The following ADCK1 variants were observed in gnomAD, a reference collection of about 807,000 sequenced individuals.
ADCK1 encodes aarF domain-containing protein kinase 1.
Under a neutral mutation model 52.3 loss-of-function variants are expected in ADCK1, and 41 were observed. The observed-to-expected ratio is 0.78, with a 90% confidence interval of 0.61 to 1.02. The LOEUF is 1.02. Ranked by LOEUF, ADCK1 falls within the 50% of genes least tolerant of loss-of-function variation. The pLI is 0.00. For missense variants in ADCK1, 658 were observed against 679.5 expected, an observed-to-expected ratio of 0.97 and a Z score of 0.35; for synonymous variants, 250 against 274.6, an observed-to-expected ratio of 0.91 and a Z score of 0.89.
At chr14:77,852,669 A>ATATATATTTATATATATATAT (rs1566667179) in intron 3 of ADCK1, among the ~76,000 whole-genome samples, 1 of 9,408 alleles carries the variant, frequency 1.1e-4, no homozygotes, top group East Asian at 5.7e-3. Flanking sequence ...AAATATATAT[A>ATATATATTTATATATATATAT]TATATATATA....
chr14:77,919,995 G>A (rs140476182), intron 7 of ADCK1, among the ~76,000 whole-genome samples: 4 of 152,234 alleles, frequency 2.6e-5, no homozygotes, highest in Non-Finnish European at 4.4e-5. Context: ...TCTTTTGTTC[G>A]ATGCATAGCT....
chr14:77,817,327 G>A (rs1266584262), intron 1 of ADCK1, among the ~76,000 whole-genome samples: 2 of 152,326 alleles, frequency 1.3e-5, no homozygotes, highest in Admixed American at 1.3e-4. Flanking sequence ...GAGGTGACAG[G>A]CACAGACTCA....
chr14:77,816,197 A>T (rs2081446168), intron 1 of ADCK1, among the ~76,000 whole-genome samples: 2 of 152,104 alleles, frequency 1.3e-5, no homozygotes, highest in African/African-American at 2.4e-5. Flanking sequence ...TTAGGAAATG[A>T]AGGTTCCAAA....
intron 3 of ADCK1, among the ~76,000 whole-genome samples, chr14:77,824,928 A>G (rs2081661798): frequency 6.6e-6 from 1 of 152,200 alleles, no homozygotes; most frequent in African/African-American, 2.4e-5. Flanking sequence ...GATTTGGCTG[A>G]TTACATCTTC....
At chr14:77,882,953 A>ACCCCCC (rs1402405062) in intron 4 of ADCK1, among the ~76,000 whole-genome samples, 1 of 63,764 alleles carries the variant, frequency 1.6e-5, no homozygotes, top group Non-Finnish European at 3.1e-5. Context: ...TTTTTCTTAC[A>ACCCCCC]CCACCCCCCC....
chr14:77,868,981 G>T (rs1200780398), intron 4 of ADCK1, among the ~76,000 whole-genome samples: 1 of 152,180 alleles, frequency 6.6e-6, no homozygotes, highest in Non-Finnish European at 1.5e-5. Context: ...TCAGAGGCGG[G>T]TTCCTGGTGG....
At chr14:77,872,953 G>A (rs540529212) in intron 4 of ADCK1, among the ~76,000 whole-genome samples, 1 of 152,306 alleles carries the variant, frequency 6.6e-6, no homozygotes, top group South Asian at 2.1e-4. Context: ...TGGGATTATA[G>A]GAGTGAGCCA....
intron 6 of ADCK1, among the ~76,000 whole-genome samples, chr14:77,907,493 G>A (rs1242594056): frequency 6.6e-6 from 1 of 152,220 alleles, no homozygotes; most frequent in Non-Finnish European, 1.5e-5. Flanking sequence ...GGTGTGAGGT[G>A]TTCCAACATT....
At chr14:77,888,011 C>G (rs74065820) in intron 5 of ADCK1, among the ~76,000 whole-genome samples, 9,466 of 152,232 alleles carry the variant, frequency 0.062, 353 homozygotes, top group Middle Eastern at 0.12. Context: ...CTTCTGCACC[C>G]TATGCTAGGT....
At chr14:77,823,687 C>G (rs998475957) in intron 3 of ADCK1, among the ~76,000 whole-genome samples, 1 of 151,818 alleles carries the variant, frequency 6.6e-6, no homozygotes, top group African/African-American at 2.4e-5. Context: ...ATTCTCCTGC[C>G]TCAGCCTCCT....
At position 77,816,040 on chromosome 14, in the gene ADCK1, C is replaced by G. The variant is rs569780792; in HGVS notation, c.-11-2928C>G. 5.9e-4 allele frequency among the ~76,000 whole-genome samples: 90 copies of G among 152,220 alleles called. 1 individual carries two copies. Among genetic ancestry groups the G allele is most frequent in the African/African-American group, 1.4e-3 (59 of 41,532 alleles). The stretch of plus-strand genomic sequence containing the variant: ...CAGGCTGGTCTGGAACTCCTAACCT[C>G]AAGAGATCCGCCTGCCTGGTCCTCC... On this transcript the variant is annotated intron_variant, in intron 1 of 10. Coordinates refer to ENST00000238561, the MANE Select transcript of ADCK1 (RefSeq NM_020421.4).
chr14:77,898,532 T>C (rs2083459309), intron 5 of ADCK1, among the ~76,000 whole-genome samples: 1 of 151,930 alleles, frequency 6.6e-6, no homozygotes, highest in Non-Finnish European at 1.5e-5. Context: ...AGCAAACTAA[T>C]GCAGGAACAA....
intron 4 of ADCK1, among the ~76,000 whole-genome samples, chr14:77,872,981 A>G (rs1020108398): frequency 6.6e-6 from 1 of 151,992 alleles, no homozygotes; most frequent in Non-Finnish European, 1.5e-5. Context: ...CGGCCTCCCC[A>G]CTGCTTTTAA....
intron 3 of ADCK1, among the ~76,000 whole-genome samples, chr14:77,842,874 C>A (rs536670816): frequency 2.0e-4 from 29 of 142,846 alleles, no homozygotes; most frequent in African/African-American, 6.9e-4. Flanking sequence ...TTTTTCTTTT[C>A]TTTTCTTTTC....
intron 3 of ADCK1, among the ~76,000 whole-genome samples, chr14:77,858,703 G>A (rs913310160): frequency 6.6e-6 from 1 of 152,152 alleles, no homozygotes; most frequent in African/African-American, 2.4e-5. Flanking sequence ...TGTCTGAGGG[G>A]TGGGTGGCAA....
intron 6 of ADCK1, among the ~76,000 whole-genome samples, chr14:77,901,143 C>G (rs1007070963): frequency 6.6e-6 from 1 of 150,598 alleles, no homozygotes; most frequent in Non-Finnish European, 1.5e-5. Context: ...CTCCTGGGTT[C>G]AAGTAATTCT....
chr14:77,818,706 C>T (rs1484545023), intron 1 of ADCK1, among the ~76,000 whole-genome samples: 1 of 152,178 alleles, frequency 6.6e-6, no homozygotes, highest in African/African-American at 2.4e-5. Flanking sequence ...TAGAACAGTG[C>T]CTGGCACTGT....
chr14:77,892,570 C>T (rs1387530660), intron 5 of ADCK1, among the ~76,000 whole-genome samples: 1 of 151,384 alleles, frequency 6.6e-6, no homozygotes, highest in African/African-American at 2.4e-5. Context: ...GAGCACCGCA[C>T]GTAGTCCCAA....
chr14:77,838,754 A>G (rs573262211), intron 3 of ADCK1, among the ~76,000 whole-genome samples: 1 of 152,158 alleles, frequency 6.6e-6, no homozygotes, highest in Admixed American at 6.5e-5. Flanking sequence ...CCAACATGTT[A>G]TGGGATGAAG....
Sources: allele counts gnomAD v4.1 joint callset (sites outside exome capture counted in the v4.1 genomes callset), GRCh38; gene constraint gnomAD v4.1.1; transcripts MANE v1.5; gene names NCBI Gene and HGNC (gene_info 2026-07-23, HGNC 2026-07-21).